Variants in LIMD2 observed in about 807,000 individuals in gnomAD.
LIMD2 encodes the protein LIM domain containing 2, also known as LIM domain-containing protein 2.
A neutral mutation model predicts 16.0 loss-of-function variants in LIMD2; 11 were observed. That is an observed-to-expected ratio of 0.69 (90% CI 0.43 to 1.14). The LOEUF (loss-of-function observed/expected upper bound fraction) is 1.14. Ranked by LOEUF, LIMD2 falls within the 50% of genes most tolerant of loss-of-function variation. The pLI is 0.00. For synonymous variants in LIMD2, 60 were observed against 67.1 expected (o/e 0.89, Z 0.52); for missense variants, 168 against 165.8 (o/e 1.01, Z -0.07).
Position 63,698,528 on chromosome 17 carries a change from A to AG in LIMD2, c.*23dup, listed in dbSNP as rs1204123765. 2 of 1,609,834 alleles carry AG rather than the reference A, an allele frequency of 1.2e-6. No homozygotes were observed. The highest frequency in any genetic ancestry group is 1.7e-5 in the Admixed American group (1 of 59,674). On this transcript the variant is annotated 3_prime_UTR_variant, in exon 5 of 5. Coordinates refer to ENST00000259006, the MANE Select transcript of LIMD2 (RefSeq NM_030576.4). ...CCTGCCGGCTCCAGGCCTTCCGCAG[A>AG]GGGGGTGGAAGGTTACAGAGGCCTC...
In LIMD2 at chr17:63,698,876, G is replaced by A; in HGVS notation, c.147C>T (p.Pro49=). 6.2e-7 allele frequency: 1 copy of A among 1,612,942 alleles called. No individual in the cohort carries two copies. Among genetic ancestry groups the A allele is most frequent in the Non-Finnish European group, 8.5e-7 (1 of 1,179,936 alleles). The change falls in exon 4 of 5, where the codon CCC becomes CCT. Residue 49 remains proline (P), a synonymous_variant. Transcript: ENST00000259006. ...TCAACQKTVY[P]MERLVADKLI... Reference sequence around the variant, plus strand: ...GCTTGTCGGCCACCAGCCGCTCCATGGGGTACACGGTCTTCTGGCAGGCGG... The same window carrying A: ...GCTTGTCGGCCACCAGCCGCTCCATAGGGTACACGGTCTTCTGGCAGGCGG...
chr17:63,699,969 AC>A, intron 1 of LIMD2, 62 bp downstream of exon 1: 1 of 981,744 alleles, frequency 1.0e-6, no homozygotes, highest in Non-Finnish European at 1.2e-6. Flanking sequence ...CCCTCACCCC[AC>A]ACCCCTCGGC....
chr17:63,699,037 C>G lies in LIMD2; in HGVS notation c.75G>C (p.Gln25His), dbSNP rs1369154756. The G allele has an allele frequency of 2.4e-5, 39 of 1,608,518 alleles. No individual in the cohort carries two copies. The highest frequency in any genetic ancestry group is 3.2e-5 in the Non-Finnish European group (38 of 1,178,260). Reference protein sequence around the residue: ...DAKGGGSSTVQRSKSFSLRAQ... With the variant: ...DAKGGGSSTVHRSKSFSLRAQ... The stretch of plus-strand genomic sequence containing the variant: ...GGCCCCAGGCCCCTACCTTGGAGCG[C>G]TGCACCGTGCTGCTGCCGCCGCCTT... The change falls in exon 3 of 5, where the codon CAG becomes CAC. Residue 25 changes from glutamine to histidine, a missense_variant. Coordinates refer to ENST00000259006, the MANE Select transcript of LIMD2 (RefSeq NM_030576.4).
In LIMD2 at chr17:63,699,363, C is replaced by T; in HGVS notation, c.-50-15G>A. The T allele has an allele frequency of 1.2e-5, 18 of 1,542,284 alleles. No homozygotes were observed. The highest frequency in any genetic ancestry group is 1.6e-5 in the Non-Finnish European group (18 of 1,144,946). On this transcript the variant is annotated splice_polypyrimidine_tract_variant and intron_variant, in intron 1 of 4. Transcript: ENST00000259006. ...CCCGCTGGGTTCTGCAAGGGGAAGT[C>T]AGTCGGGAGGGCCCCGCCAGCCCGG...
chr17:63,698,982 G>C (rs898138739), intron 3 of LIMD2, 44 bp from the exon 4 acceptor site: 1 of 1,610,826 alleles, frequency 6.2e-7, no homozygotes, highest in Admixed American at 1.7e-5. Context: ...TGCTCATCCC[G>C]CTCCCTCACA....
At chr17:63,699,623 G>T in intron 1 of LIMD2, 1 of 317,142 alleles carries the variant, frequency 3.2e-6, no homozygotes, top group Non-Finnish European at 5.5e-6. Flanking sequence ...TGCGTCCCGC[G>T]GGCTGGGACC....
upstream of LIMD2, chr17:63,700,202 TCCGCCGCGCCCGGAGCCGCCTTCGGGG>T (rs1388747257): frequency 1.2e-5 from 11 of 936,432 alleles, no homozygotes; most frequent in Non-Finnish European, 1.4e-5. This position sits in a 1 kb window ranked among gnomAD's most constrained non-coding sequence, Gnocchi z 7.1. Flanking sequence ...GCCCATTGGC[TCCGCCGCGCCCGGAGCCGCCTTCGGGG>T]CCCCGGCGCC....
chr17:63,697,706 C>CCAT lies in LIMD2; in HGVS notation c.*843_*845dup, dbSNP rs1335875836. ...GACACCCACTTCTAGCTCCCTGCCC[C>CCAT]CATCAGGGCCGAGGTAGTCGGGGCT... is the stretch of plus-strand genomic sequence containing the variant. On this transcript the variant is annotated 3_prime_UTR_variant, in exon 5 of 5. Coordinates refer to ENST00000259006, the MANE Select transcript of LIMD2 (RefSeq NM_030576.4). The CCAT allele has an allele frequency of 6.6e-6, 1 of 152,292 alleles. No individual in the cohort carries two copies. The highest frequency in any genetic ancestry group is 1.5e-5 in the Non-Finnish European group (1 of 68,084). The allele number at this position is 152,292 out of a possible 1,614,324, so 9.4% of individuals were successfully genotyped here.
At chr17:63,699,759 A>G (rs1268482681) in intron 1 of LIMD2, 2 of 807,700 alleles carry the variant, frequency 2.5e-6, no homozygotes, top group Non-Finnish European at 3.0e-6. Flanking sequence ...CAGCCCCTGG[A>G]CAGCGCCCGA....
intron 3 of LIMD2, 44 bp from the exon 4 acceptor site, chr17:63,698,982 G>T (rs898138739): frequency 1.2e-6 from 2 of 1,610,826 alleles, no homozygotes; most frequent in East Asian, 4.5e-5. Flanking sequence ...TGCTCATCCC[G>T]CTCCCTCACA....
chr17:63,697,444 T>G lies in LIMD2; in HGVS notation c.*1108A>C, dbSNP rs942440266. ...GAACCAGCCAGGGAACGCGGCAGCT[T>G]GCACCCCAGGCACTGAAGTGCAGCG... On this transcript the variant is annotated 3_prime_UTR_variant, in exon 5 of 5. Transcript: ENST00000259006. 1 of 152,200 alleles carries G rather than the reference T, an allele frequency of 6.6e-6. No homozygotes were observed. Among genetic ancestry groups the G allele is most frequent in the Non-Finnish European group, 1.5e-5 (1 of 68,030 alleles). The allele number at this position is 152,200 out of a possible 1,614,324, so 9.4% of individuals were successfully genotyped here. A position where few individuals can be genotyped will look rare whatever the true frequency, so the allele number is the denominator to read the frequency against.
chr17:63,699,404 T>TG (rs921440882), intron 1 of LIMD2, 56 bp from the exon 2 acceptor site: 5 of 1,470,220 alleles, frequency 3.4e-6, no homozygotes, highest in Non-Finnish European at 3.6e-6. Context: ...GCCTGCAGGG[T>TG]GGGGGGTGTT....
Position 63,698,411 on chromosome 17 carries a change from GC to G in LIMD2, c.*140del, listed in dbSNP as rs2035725397. Reference sequence around the variant, plus strand: ...AAGAAGGAAGGAGTCCTGGAGCAGAGCCCTGCCCTGGTCCCCTACGCCTGAG... The same window carrying G: ...AAGAAGGAAGGAGTCCTGGAGCAGAGCCTGCCCTGGTCCCCTACGCCTGAG... On this transcript the variant is annotated 3_prime_UTR_variant, in exon 5 of 5. Coordinates refer to ENST00000259006, the MANE Select transcript of LIMD2 (RefSeq NM_030576.4). 2 of 958,952 alleles carry G rather than the reference GC, an allele frequency of 2.1e-6. No homozygotes were observed. The highest frequency in any genetic ancestry group is 5.5e-5 in the Admixed American group (2 of 36,136). The allele number at this position is 958,952 out of a possible 1,614,324, so 59.4% of individuals were successfully genotyped here. A position where few individuals can be genotyped will look rare whatever the true frequency, so the allele number is the denominator to read the frequency against.
rs897845948 is a variant in LIMD2 at position 63,696,067 on chromosome 17, C to T, written c.*2485G>A. On this transcript the variant is annotated 3_prime_UTR_variant, in exon 5 of 5. Transcript: ENST00000259006. ...TCATCATTCCATGGGGTGTGTCTGC[C>T]TGGGCCAACTCTGCATGGAGAGGCC... 6.6e-6 allele frequency: 1 copy of T among 152,492 alleles called. No individual in the cohort carries two copies. The highest frequency in any genetic ancestry group is 2.4e-5 in the African/African-American group (1 of 41,396). The allele number at this position is 152,492 out of a possible 1,614,324, so 9.4% of individuals were successfully genotyped here. A position where few individuals can be genotyped will look rare whatever the true frequency, so the allele number is the denominator to read the frequency against.
In LIMD2 at chr17:63,699,080, G is replaced by T. The variant is rs983032829; in HGVS notation, c.43-11C>A. The T allele has an allele frequency of 6.2e-7, 1 of 1,600,754 alleles. No individual in the cohort carries two copies. Among genetic ancestry groups the T allele is most frequent in the Admixed American group, 1.7e-5 (1 of 58,874 alleles). On this transcript the variant is annotated splice_polypyrimidine_tract_variant and intron_variant, in intron 2 of 4. Transcript: ENST00000259006. ...GCCGCCTTTGGCGTCCTGAGGGAGAGGGGCGGTCAGGGCAGGGGCAGCTCC... is the reference window on the plus strand; with the variant it reads ...GCCGCCTTTGGCGTCCTGAGGGAGATGGGCGGTCAGGGCAGGGGCAGCTCC...
In LIMD2 at chr17:63,699,291, T is replaced by C; in HGVS notation, c.8A>G (p.Gln3Arg). 1 of 1,608,912 alleles carries C rather than the reference T, an allele frequency of 6.2e-7. No homozygotes were observed. Among genetic ancestry groups the C allele is most frequent in the Non-Finnish European group, 8.5e-7 (1 of 1,178,068 alleles). MFQAAGAAQATPS... is the reference protein window; with the variant it reads MFRAAGAAQATPS... ...GGTGGCCTGGGCGGCTCCTGCAGCC[T>C]GGAACATGGCTCGTTGGAGGTGGAA... Residue 3 changes from glutamine to arginine, a missense_variant, in exon 2 of 5, where the codon CAG becomes CGG. Physicochemically the swap from Gln to Arg is conservative, Grantham distance 43. Coordinates refer to ENST00000259006, the MANE Select transcript of LIMD2 (RefSeq NM_030576.4).
At chr17:63,700,686 C>G (rs2035772079), upstream of LIMD2, 1 of 151,244 alleles carries the variant, frequency 6.6e-6, no homozygotes. This position sits in a 1 kb window ranked among gnomAD's most constrained non-coding sequence, Gnocchi z 7.1. Flanking sequence ...CTCGGGCGGC[C>G]GAGTCCTCCC....
rs1480336995 is a variant in LIMD2, at chr17:63,697,517, G to T, written c.*1035C>A. 6.6e-6 allele frequency: 1 copy of T among 152,208 alleles called. No individual in the cohort carries two copies. The highest frequency in any genetic ancestry group is 1.5e-5 in the Non-Finnish European group (1 of 68,054). 9.4% of individuals were successfully genotyped at this position (152,208 alleles called of 1,614,324 possible). A position where few individuals can be genotyped will look rare whatever the true frequency, so the allele number is the denominator to read the frequency against. On this transcript the variant is annotated 3_prime_UTR_variant, in exon 5 of 5. Transcript: ENST00000259006. ...GGCAGCCTGGCCCTCCCGCTCTCAG[G>T]CCTCTTCACAATGGGGTGCATATGG... is the stretch of plus-strand genomic sequence containing the variant.
intron 1 of LIMD2, chr17:63,699,565 A>G (rs1053591943): frequency 8.8e-5 from 40 of 453,046 alleles, no homozygotes; most frequent in Non-Finnish European, 1.4e-4. Flanking sequence ...TCGGAAGAAC[A>G]AAGTTAGCGG....
Sources: gnomAD v4.1 joint callset for allele counts on GRCh38, gnomAD v4.1.1 for gene constraint, Gnocchi (gnomAD v3.1) non-coding constraint, MANE v1.5 for transcripts, NCBI Gene and HGNC (gene_info 2026-07-23, HGNC 2026-07-21) for gene names.